The following NPAS1 variants were observed in gnomAD, a reference collection of about 807,000 sequenced individuals.
NPAS1 encodes neuronal PAS domain protein 1, also known as neuronal PAS domain-containing protein 1.
In NPAS1, 29 loss-of-function variants were observed where a neutral mutation model predicts 49.2. That is an observed-to-expected ratio of 0.59 (90% CI 0.44 to 0.80). The LOEUF is 0.80. NPAS1 is among the 30% of genes least tolerant of loss of function. The probability of loss-of-function intolerance (pLI) is 0.00; values close to 1 mark genes in which losing one functional copy is unlikely to be tolerated. For synonymous variants in NPAS1, 408 were observed against 380.4 expected, an observed-to-expected ratio of 1.07 and a Z score of -0.84; for missense variants, 825 against 835.5, an observed-to-expected ratio of 0.99 and a Z score of 0.15.
intron 8 of NPAS1, 143 bp downstream of exon 8, chr19:47,039,707 G>C (rs1189037324): frequency 1.0e-6 from 1 of 961,428 alleles, no homozygotes; most frequent in Non-Finnish European, 1.5e-6. Flanking sequence ...ATGGGACAGG[G>C]TGATGGGGAG....
rs2057063925 is a variant in NPAS1, at chr19:47,045,239, A to G, written c.1361A>G (p.Glu454Gly). 6.2e-7 allele frequency: 1 copy of G among 1,613,880 alleles called. No individual in the cohort carries two copies. Among genetic ancestry groups the G allele is most frequent in the East Asian group, 2.2e-5 (1 of 44,858 alleles). ...AAGCAGGCTGCCCCAGCGGAGAACG[A>G]GGCCCCCCAGACCCAGGGCAAACGC... ...EGKQAAPAEN[E>G]APQTQGKRIK... The change falls in exon 12 of 12, where the codon GAG (glutamate) becomes GGG (glycine). Residue 454 changes from glutamate to glycine, a missense_variant. Coordinates refer to ENST00000602212, the MANE Select transcript of NPAS1 (RefSeq NM_002517.4).
At chr19:47,024,832 G>A (rs1599893541) in intron 3 of NPAS1, among the ~76,000 whole-genome samples, 1 of 118,540 alleles carries the variant, frequency 8.4e-6, no homozygotes, top group Admixed American at 9.0e-5. Flanking sequence ...TTTTTGAAAC[G>A]CAGTTTTGCT....
intron 8 of NPAS1, 57 bp from the exon 9 acceptor site, chr19:47,040,387 G>C: frequency 1.6e-6 from 2 of 1,235,674 alleles, no homozygotes; most frequent in Non-Finnish European, 2.3e-6. Context: ...AGCCAACTCT[G>C]CCTCTCCCCC....
At chr19:47,043,412 A>AC (rs538958073) in intron 11 of NPAS1, among the ~76,000 whole-genome samples, 41 of 151,598 alleles carry the variant, frequency 2.7e-4, no homozygotes, top group Non-Finnish European at 5.6e-4. Context: ...ATAAGGTGAA[A>AC]CCCCATCTCT....
At chr19:47,034,027 G>A (rs960128591) in intron 5 of NPAS1, among the ~76,000 whole-genome samples, 3 of 109,390 alleles carry the variant, frequency 2.7e-5, no homozygotes, top group Non-Finnish European at 3.8e-5. Context: ...AAAAAGGGCC[G>A]GGCGCGGTGG....
chr19:47,038,776 A>T (rs560858969), intron 6 of NPAS1, among the ~76,000 whole-genome samples: 4 of 152,142 alleles, frequency 2.6e-5, no homozygotes, highest in Admixed American at 2.6e-4. Context: ...GCAGTGAGCC[A>T]AGATTGCGCC....
At chr19:47,022,669 G>C (rs1335934901) in intron 3 of NPAS1, among the ~76,000 whole-genome samples, 1 of 152,224 alleles carries the variant, frequency 6.6e-6, no homozygotes, top group African/African-American at 2.4e-5. Context: ...TTTTCTGAGC[G>C]CTGGGATTGA....
At chr19:47,030,338 A>G (rs2056897679) in intron 3 of NPAS1, among the ~76,000 whole-genome samples, 1 of 146,968 alleles carries the variant, frequency 6.8e-6, no homozygotes, top group Non-Finnish European at 1.5e-5. Context: ...TACTTTTTTG[A>G]TGCTAGCCAT....
rs535374638 is a variant in NPAS1, at chr19:47,038,453, GT to G, written c.689-582del. On this transcript the variant is annotated intron_variant, in intron 6 of 11. Coordinates refer to ENST00000602212, the MANE Select transcript of NPAS1 (RefSeq NM_002517.4). ...AATCACTTGAACTGGGGAGACGGAG[GT>G]CGCAGTAGGCCGAGATCGTGCCACT... 8.7e-3 allele frequency among the ~76,000 whole-genome samples: 1,043 copies of G among 119,628 alleles called. 15 individuals carry two copies. Among genetic ancestry groups the G allele is most frequent in the African/African-American group, 0.026 (999 of 38,870 alleles). 78.5% of individuals were successfully genotyped at this position (119,628 alleles called of 152,430 possible).
At chr19:47,032,467 C>T (rs192831400) in intron 4 of NPAS1, 116 bp downstream of exon 4, 5 of 1,231,240 alleles carry the variant, frequency 4.1e-6, no homozygotes, top group East Asian at 2.4e-5. Flanking sequence ...ACTGGGAAGG[C>T]GAATGCTCAA....
chr19:47,026,128 A>G (rs1273376162), intron 3 of NPAS1, among the ~76,000 whole-genome samples: 4 of 151,672 alleles, frequency 2.6e-5, no homozygotes, highest in Non-Finnish European at 2.9e-5. Flanking sequence ...TAGTAGAGAC[A>G]GGGTTTCGCC....
At chr19:47,037,368 A>AAAT in intron 6 of NPAS1, among the ~76,000 whole-genome samples, 2 of 145,460 alleles carry the variant, frequency 1.4e-5, no homozygotes, top group Admixed American at 6.9e-5. Context: ...AAAAAAAAAA[A>AAAT]TTGCATTAGA....
intron 6 of NPAS1, 77 bp downstream of exon 6, chr19:47,036,206 C>T: frequency 3.6e-6 from 5 of 1,406,112 alleles, no homozygotes; most frequent in Non-Finnish European, 4.9e-6. Context: ...CCAGCCATGC[C>T]GCGTTTATAC....
chr19:47,021,808 C>G lies in NPAS1; in HGVS notation c.319C>G (p.Pro107Ala), dbSNP rs2056843870. ...LRRFAALGAP[P>A]WGLRAAGPPA... is the part of the protein sequence containing the mutation. ...CCGGTTCGCCGCGCTGGGGGCGCCG[C>G]CCTGGGGGCTGAGAGCCGCGGGGCC... The change falls in exon 3 of 12, where the codon CCC (proline) becomes GCC (alanine). Residue 107 changes from proline (P) to alanine (A), a missense_variant. Physicochemically the swap from Pro to Ala is conservative, Grantham distance 27. Transcript: ENST00000602212. This position sits in a 1 kb window ranked among gnomAD's most constrained non-coding sequence, Gnocchi z 5.7. 3 of 1,525,786 alleles carry G rather than the reference C, an allele frequency of 2.0e-6. No individual in the cohort carries two copies. The East Asian group carries it at 7.7e-5, about 39-fold the overall frequency. 94.5% of individuals were successfully genotyped at this position (1,525,786 alleles called of 1,614,324 possible). A position where few individuals can be genotyped will look rare whatever the true frequency, so the allele number is the denominator to read the frequency against.
At position 47,025,419 on chromosome 19, in the gene NPAS1, C is replaced by T. The variant is rs183443486; in HGVS notation, c.358+3572C>T. Among the ~76,000 whole-genome samples the T allele has an allele frequency of 1.8e-3, 202 of 110,482 alleles. 56 individuals are homozygous for T. The East Asian group carries it at 0.06, about 33-fold the overall frequency. The allele number at this position is 110,482 out of a possible 152,430, so 72.5% of individuals were successfully genotyped here. On this transcript the variant is annotated intron_variant, in intron 3 of 11. Coordinates refer to ENST00000602212, the MANE Select transcript of NPAS1 (RefSeq NM_002517.4). ...TCAGCCTCCCTAATAGCTGGGATTACAGGCATGCGCCACCACGCCCAGCTA... is the reference window on the plus strand; with the variant it reads ...TCAGCCTCCCTAATAGCTGGGATTATAGGCATGCGCCACCACGCCCAGCTA...
Position 47,021,842 on chromosome 19 carries a change from G to C in NPAS1, c.353G>C (p.Gly118Ala). The change falls in exon 3 of 12, where the codon GGC becomes GCC. Residue 118 changes from glycine to alanine, a missense_variant. Physicochemically the swap from Gly to Ala is moderately conservative, Grantham distance 60. Coordinates refer to ENST00000602212, the MANE Select transcript of NPAS1 (RefSeq NM_002517.4). This position sits in a 1 kb window ranked among gnomAD's most constrained non-coding sequence, Gnocchi z 5.7. ...CTGAGAGCCGCGGGGCCGCCAGCTGGCCTCGGTGAGTGCTCATGCGCGGGG... is the reference window on the plus strand; with the variant it reads ...CTGAGAGCCGCGGGGCCGCCAGCTGCCCTCGGTGAGTGCTCATGCGCGGGG... ...WGLRAAGPPA[G>A]LAPGRRGPAA... The C allele has an allele frequency of 6.7e-7, 1 of 1,491,670 alleles. No individual in the cohort carries two copies. The highest frequency in any genetic ancestry group is 8.9e-7 in the Non-Finnish European group (1 of 1,126,066). 92.4% of individuals were successfully genotyped at this position (1,491,670 alleles called of 1,614,324 possible). A position where few individuals can be genotyped will look rare whatever the true frequency, so the allele number is the denominator to read the frequency against.
rs994341990 is a variant in NPAS1 at position 47,037,372 on chromosome 19, C to T, written c.688+1243C>T. On this transcript the variant is annotated intron_variant, in intron 6 of 11. Coordinates refer to ENST00000602212, the MANE Select transcript of NPAS1 (RefSeq NM_002517.4). ...AAAAAAAAAAAAAAAAAAAAAATTGCATTAGATCCTAAGCGCAGGCCCACA... is the reference window on the plus strand; with the variant it reads ...AAAAAAAAAAAAAAAAAAAAAATTGTATTAGATCCTAAGCGCAGGCCCACA... Among the ~76,000 whole-genome samples, 10 of 135,774 alleles carry T rather than the reference C, an allele frequency of 7.4e-5. No individual in the cohort carries two copies. In the Admixed American group the frequency reaches 7.4e-4, roughly 10 times the overall value. The allele number at this position is 135,774 out of a possible 152,430, so 89.1% of individuals were successfully genotyped here.
intron 1 of NPAS1, 105 bp from the exon 2 acceptor site, chr19:47,020,901 C>CG: frequency 2.5e-6 from 1 of 404,722 alleles, no homozygotes; most frequent in Non-Finnish European, 4.4e-6. Context: ...CAGGCCCCCC[C>CG]CCCCCCAGCT....
At chr19:47,041,886 G>A (rs2057024853) in intron 10 of NPAS1, among the ~76,000 whole-genome samples, 2 of 151,578 alleles carry the variant, frequency 1.3e-5, no homozygotes, top group African/African-American at 4.9e-5. Flanking sequence ...AGGCTGAGGT[G>A]GGAGGATCAC....
Sources: gnomAD v4.1 joint callset for allele counts (sites outside exome capture counted in the v4.1 genomes callset) on GRCh38, gnomAD v4.1.1 for gene constraint, Gnocchi (gnomAD v3.1) non-coding constraint, MANE v1.5 for transcripts, NCBI Gene and HGNC (gene_info 2026-07-23, HGNC 2026-07-21) for gene names.